The following ANKRD13C variants were observed in gnomAD, a reference collection of about 807,000 sequenced individuals.
ANKRD13C encodes the protein ankyrin repeat domain 13C, also known as ankyrin repeat domain-containing protein 13C.
In ANKRD13C, 16 loss-of-function variants were observed where a neutral mutation model predicts 65.5. The observed-to-expected ratio is 0.24, with a 90% confidence interval of 0.17 to 0.37. The LOEUF (loss-of-function observed/expected upper bound fraction) is 0.37. ANKRD13C is among the 10% of genes least tolerant of loss of function. ANKRD13C has a pLI of 1.00. For missense variants in ANKRD13C, 503 were observed against 655.9 expected (o/e 0.77, Z 2.55); for synonymous variants, 235 against 238.7 (o/e 0.98, Z 0.14).
At chr1:70,353,454 G>A (rs1434171390) in intron 1 of ANKRD13C, among the ~76,000 whole-genome samples, 1 of 152,088 alleles carries the variant, frequency 6.6e-6, no homozygotes, top group African/African-American at 2.4e-5. Context: ...CTACTGTGTG[G>A]CTTTCAGAAA....
rs1383879465 is a variant in ANKRD13C at position 70,261,204 on chromosome 1, A to T, written c.*1513T>A. The T allele has an allele frequency of 2.0e-5, 3 of 152,140 alleles. No individual in the cohort carries two copies. Among genetic ancestry groups the T allele is most frequent in the Admixed American group, 6.6e-5 (1 of 15,264 alleles). The allele number at this position is 152,140 out of a possible 1,614,324, so 9.4% of individuals were successfully genotyped here. A position where few individuals can be genotyped will look rare whatever the true frequency, so the allele number is the denominator to read the frequency against. On this transcript the variant is annotated 3_prime_UTR_variant, in exon 13 of 13. Coordinates refer to ENST00000370944, the MANE Select transcript of ANKRD13C (RefSeq NM_030816.5). ...TCATTATAAAATGTATTTAATGTCA[A>T]CATACGCAATGCATGTATCAGTATG...
At chr1:70,331,820 CAAAAAAAA>C (rs10526340) in intron 2 of ANKRD13C, among the ~76,000 whole-genome samples, 5 of 70,070 alleles carry the variant, frequency 7.1e-5, no homozygotes, top group African/African-American at 1.8e-4. Flanking sequence ...AGACTCGACT[CAAAAAAAA>C]AAAAAAAAAA....
chr1:70,340,623 A>T (rs760326413), intron 1 of ANKRD13C, among the ~76,000 whole-genome samples: 42 of 152,144 alleles, frequency 2.8e-4, no homozygotes, highest in Non-Finnish European at 5.1e-4. Context: ...TTGGTAACAG[A>T]GAGGAATGTT....
Position 70,323,914 on chromosome 1 carries a change from C to T in ANKRD13C, c.577+939G>A, listed in dbSNP as rs527459367. 1.8e-3 allele frequency among the ~76,000 whole-genome samples: 273 copies of T among 151,716 alleles called. 1 individual carries two copies. The highest frequency in any genetic ancestry group is 6.2e-3 in the African/African-American group (258 of 41,422). On this transcript the variant is annotated intron_variant, in intron 3 of 12. Coordinates refer to ENST00000370944, the MANE Select transcript of ANKRD13C (RefSeq NM_030816.5). ...AATTTTTTTGTATTTTTAGTAGAGA[C>T]GGGGTTTCACCACGTTGGCCAGGCT...
intron 3 of ANKRD13C, among the ~76,000 whole-genome samples, chr1:70,315,958 G>A (rs929291408): frequency 1.3e-5 from 2 of 152,096 alleles, no homozygotes; most frequent in African/African-American, 2.4e-5. Flanking sequence ...TATCAGTAAC[G>A]ATTTACCTAA....
chr1:70,337,146 A>AACACACAC lies in ANKRD13C; in HGVS notation c.431-1055_431-1048dup, dbSNP rs58715407. The stretch of plus-strand genomic sequence containing the variant: ...TTGACAAGAGATCGGCCATGATTCA[A>AACACACAC]ACACACACACACACACACACACACA... On this transcript the variant is annotated intron_variant, in intron 1 of 12. Coordinates refer to ENST00000370944, the MANE Select transcript of ANKRD13C (RefSeq NM_030816.5). Among the ~76,000 whole-genome samples the AACACACAC allele has an allele frequency of 4.5e-3, 651 of 145,434 alleles. 5 individuals carry two copies. Among genetic ancestry groups the AACACACAC allele is most frequent in the South Asian group, 9.1e-3 (41 of 4,498 alleles).
chr1:70,272,571 T>C (rs1678939719), intron 11 of ANKRD13C, among the ~76,000 whole-genome samples: 1 of 152,124 alleles, frequency 6.6e-6, no homozygotes, highest in South Asian at 2.1e-4. Flanking sequence ...CCACATTTTA[T>C]AAATTCTAAG....
intron 12 of ANKRD13C, among the ~76,000 whole-genome samples, chr1:70,265,686 G>A (rs1255472618): frequency 6.6e-6 from 1 of 151,618 alleles, no homozygotes; most frequent in African/African-American, 2.4e-5. Context: ...TTAACTGGGT[G>A]TGGTGGCTCA....
chr1:70,338,850 T>A (rs550263120), intron 1 of ANKRD13C, among the ~76,000 whole-genome samples: 8 of 152,312 alleles, frequency 5.3e-5, no homozygotes, highest in African/African-American at 1.4e-4. Flanking sequence ...ATTTGATTGG[T>A]CTAGAATAAG....
chr1:70,281,212 T>A (rs1013966216), intron 9 of ANKRD13C, among the ~76,000 whole-genome samples: 3 of 152,050 alleles, frequency 2.0e-5, no homozygotes, highest in African/African-American at 7.2e-5. Flanking sequence ...GGTTGACAGT[T>A]ACCAGTGTTT....
chr1:70,274,809 A>G lies in ANKRD13C; in HGVS notation c.1305T>C (p.His435=), dbSNP rs199840604. Residue 435 remains histidine (H), a synonymous_variant, in exon 11 of 13, where the codon CAT becomes CAC. Coordinates refer to ENST00000370944, the MANE Select transcript of ANKRD13C (RefSeq NM_030816.5). The stretch of plus-strand genomic sequence containing the variant: ...CTTTGCACACCAATTCTCTACCCAG[A>G]TGAGGAGCTCTAAAATGGGAGGAAA... The part of the protein sequence containing the change: ...YISAENGKAP[H]LGRELVCKES... 2.5e-5 allele frequency: 40 copies of G among 1,612,594 alleles called. No individual in the cohort carries two copies. In the East Asian group the frequency reaches 8.5e-4, roughly 34 times the overall value.
intron 1 of ANKRD13C, among the ~76,000 whole-genome samples, chr1:70,345,637 A>G (rs1682494447): frequency 6.6e-6 from 1 of 152,210 alleles, no homozygotes; most frequent in Non-Finnish European, 1.5e-5. Context: ...TCACTGTACA[A>G]TAGCAAAAAA....
chr1:70,353,914 A>G, intron 1 of ANKRD13C, 65 bp downstream of exon 1: 2 of 1,446,382 alleles, frequency 1.4e-6, no homozygotes, highest in Non-Finnish European at 1.8e-6. Flanking sequence ...GGATTCCAGA[A>G]GCCTGGGGAG....
At chr1:70,289,646 T>C (rs1159666804) in intron 9 of ANKRD13C, among the ~76,000 whole-genome samples, 1 of 151,304 alleles carries the variant, frequency 6.6e-6, no homozygotes. Flanking sequence ...TTTTTTTTTT[T>C]TTTGTATTTT....
At chr1:70,336,151 A>C in intron 1 of ANKRD13C, 52 bp from the exon 2 acceptor site, 1 of 499,640 alleles carries the variant, frequency 2.0e-6, no homozygotes, top group Non-Finnish European at 3.1e-6. Flanking sequence ...AAACATAAGA[A>C]CATTTACTTA....
At chr1:70,302,092 GAA>G (rs1346411784) in intron 6 of ANKRD13C, among the ~76,000 whole-genome samples, 1 of 152,068 alleles carries the variant, frequency 6.6e-6, no homozygotes, top group East Asian at 1.9e-4. Context: ...CCCTAGACAG[GAA>G]AAACAGAAAT....
chr1:70,292,296 G>A, intron 9 of ANKRD13C, 92 bp downstream of exon 9: 5 of 894,564 alleles, frequency 5.6e-6, no homozygotes, highest in Non-Finnish European at 7.9e-6. Flanking sequence ...AAAGCTGTGA[G>A]TACATTTATA....
intron 1 of ANKRD13C, among the ~76,000 whole-genome samples, chr1:70,343,677 C>T (rs966708981): frequency 1.7e-4 from 26 of 152,206 alleles, no homozygotes; most frequent in African/African-American, 5.8e-4. Flanking sequence ...GGATTATAGG[C>T]GTGCACCACC....
rs769480539 is a variant in ANKRD13C, at chr1:70,274,473, CAAAAAAAAAAA to C, written c.1394+236_1394+246del. 8.4e-3 allele frequency among the ~76,000 whole-genome samples: 325 copies of C among 38,680 alleles called. 2 individuals carry two copies. Among genetic ancestry groups the C allele is most frequent in the South Asian group, 0.028 (23 of 824 alleles). 25.4% of individuals were successfully genotyped at this position (38,680 alleles called of 152,430 possible). A position where few individuals can be genotyped will look rare whatever the true frequency, so the allele number is the denominator to read the frequency against. ...TGGGTGACAGAGCAAGACTCCATCTCAAAAAAAAAAAAAAAAAAAAAAAGAAAGAAAGAAAA... is the reference window on the plus strand; with the variant it reads ...TGGGTGACAGAGCAAGACTCCATCTCAAAAAAAAAAAAGAAAGAAAGAAAA... On this transcript the variant is annotated intron_variant, in intron 11 of 12. Coordinates refer to ENST00000370944, the MANE Select transcript of ANKRD13C (RefSeq NM_030816.5).
Sources: allele counts gnomAD v4.1 joint callset (sites outside exome capture counted in the v4.1 genomes callset), GRCh38; gene constraint gnomAD v4.1.1; transcripts MANE v1.5; gene names NCBI Gene and HGNC (gene_info 2026-07-23, HGNC 2026-07-21).